Variants in STRN observed in about 807,000 individuals in gnomAD.
STRN encodes protein phosphatase 2 regulatory subunit B'''alpha.
Under a neutral mutation model 96.3 loss-of-function variants are expected in STRN, and 53 were observed. The observed-to-expected ratio is 0.55, with a 90% confidence interval of 0.44 to 0.69. STRN has a LOEUF of 0.69. Among genes scored for constraint, STRN ranks in the 30% least tolerant of loss-of-function variants. STRN has a pLI of 0.00. For missense variants in STRN, 987 were observed against 963.9 expected (o/e 1.02, Z -0.32); for synonymous variants, 428 against 355.9 (o/e 1.20, Z -2.28).
At chr2:36,954,971 C>T (rs1319995394) in intron 1 of STRN, among the ~76,000 whole-genome samples, 1 of 152,146 alleles carries the variant, frequency 6.6e-6, no homozygotes, top group African/African-American at 2.4e-5. Context: ...TTCTGAGAAA[C>T]ACAAATTGTT....
At chr2:36,901,083 G>C (rs1176665778) in intron 5 of STRN, among the ~76,000 whole-genome samples, 1 of 151,034 alleles carries the variant, frequency 6.6e-6, no homozygotes, top group Non-Finnish European at 1.5e-5. Flanking sequence ...TCTACTTACA[G>C]CTTTGTGTTT....
At chr2:36,922,999 G>C (rs1164178474) in intron 2 of STRN, among the ~76,000 whole-genome samples, 3 of 151,946 alleles carry the variant, frequency 2.0e-5, no homozygotes, top group Non-Finnish European at 4.4e-5. Context: ...AAAATTAGCT[G>C]GGCATGGTGG....
At chr2:36,920,407 G>C (rs1165294536) in intron 2 of STRN, among the ~76,000 whole-genome samples, 1 of 152,134 alleles carries the variant, frequency 6.6e-6, no homozygotes, top group Non-Finnish European at 1.5e-5. Context: ...GGGAGGCCGA[G>C]GTGGGCAGAT....
chr2:36,854,506 G>A (rs79704730), intron 15 of STRN, among the ~76,000 whole-genome samples: 5,836 of 152,248 alleles, frequency 0.038, 162 homozygotes, highest in East Asian at 0.13. Context: ...GACAGAGAGT[G>A]AGAACACCAC....
At chr2:36,948,432 A>T (rs779763397) in intron 1 of STRN, among the ~76,000 whole-genome samples, 2 of 152,124 alleles carry the variant, frequency 1.3e-5, no homozygotes, top group Non-Finnish European at 2.9e-5. Flanking sequence ...GCCAAAAGGT[A>T]TCATCTATTT....
chr2:36,931,413 G>A (rs943191000), intron 1 of STRN, among the ~76,000 whole-genome samples: 3 of 152,154 alleles, frequency 2.0e-5, no homozygotes, highest in Admixed American at 6.6e-5. Flanking sequence ...TTCCAATCTC[G>A]TTAGGGTACA....
At chr2:36,858,957 C>T (rs1041086692) in intron 13 of STRN, among the ~76,000 whole-genome samples, 1 of 152,054 alleles carries the variant, frequency 6.6e-6, no homozygotes, top group Non-Finnish European at 1.5e-5. Context: ...AGATGTTAGC[C>T]AGTTGAAGAA....
At chr2:36,881,563 A>C (rs969885919) in intron 9 of STRN, among the ~76,000 whole-genome samples, 1 of 152,216 alleles carries the variant, frequency 6.6e-6, no homozygotes, top group Non-Finnish European at 1.5e-5. Context: ...TATACAATCT[A>C]TCTCTTAAAT....
In STRN at chr2:36,957,742, G is replaced by GTTTTTTTTTTTTTTTT. The variant is rs1158709835; in HGVS notation, c.234+8487_234+8488insAAAAAAAAAAAAAAAA. Among the ~76,000 whole-genome samples the GTTTTTTTTTTTTTTTT allele has an allele frequency of 3.1e-4, 32 of 103,108 alleles. 5 individuals are homozygous for GTTTTTTTTTTTTTTTT. Among genetic ancestry groups the GTTTTTTTTTTTTTTTT allele is most frequent in the Non-Finnish European group, 3.7e-4 (19 of 51,656 alleles). 67.6% of individuals were successfully genotyped at this position (103,108 alleles called of 152,430 possible). A position where few individuals can be genotyped will look rare whatever the true frequency, so the allele number is the denominator to read the frequency against. ...GATTAGTCTCATAGTTCTTCTTTTTGTCTTTTTTTTTTTTTTTTTTTTTTT... is the reference window on the plus strand; with the variant it reads ...GATTAGTCTCATAGTTCTTCTTTTTGTTTTTTTTTTTTTTTTTCTTTTTTTTTTTTTTTTTTTTTTT... On this transcript the variant is annotated intron_variant, in intron 1 of 17. Coordinates refer to ENST00000263918, the MANE Select transcript of STRN (RefSeq NM_003162.4).
At chr2:36,862,927 CG>C (rs1273457809) in intron 12 of STRN, among the ~76,000 whole-genome samples, 3 of 151,876 alleles carry the variant, frequency 2.0e-5, no homozygotes, top group African/African-American at 7.3e-5. Context: ...AGTAGAGACG[CG>C]GTTTCACCGT....
chr2:36,941,373 T>C (rs1670840733), intron 1 of STRN, among the ~76,000 whole-genome samples: 1 of 152,128 alleles, frequency 6.6e-6, no homozygotes, highest in Admixed American at 6.6e-5. Context: ...CAGCAGCCCC[T>C]TTCTTCACAT....
At chr2:36,961,872 T>C (rs1299475624) in intron 1 of STRN, among the ~76,000 whole-genome samples, 1 of 152,202 alleles carries the variant, frequency 6.6e-6, no homozygotes, top group Non-Finnish European at 1.5e-5. Context: ...TTTTCCCTCC[T>C]TGATATTCCT....
chr2:36,924,836 C>A (rs971536126), intron 2 of STRN, among the ~76,000 whole-genome samples: 2 of 152,184 alleles, frequency 1.3e-5, no homozygotes, highest in African/African-American at 4.8e-5. Flanking sequence ...GTGGGCAGAT[C>A]ACCTGAGGTC....
At chr2:36,914,025 C>T (rs1489616369) in intron 3 of STRN, among the ~76,000 whole-genome samples, 1 of 152,086 alleles carries the variant, frequency 6.6e-6, no homozygotes, top group Non-Finnish European at 1.5e-5. Context: ...CACTCTGTCA[C>T]TCAGGCTAGA....
chr2:36,861,689 TAAACAG>T (rs1668484614), intron 12 of STRN, among the ~76,000 whole-genome samples: 1 of 151,108 alleles, frequency 6.6e-6, no homozygotes, highest in South Asian at 2.1e-4. Context: ...GCACATTCCT[TAAACAG>T]AAACAGAAAA....
chr2:36,855,318 G>A lies in STRN; in HGVS notation c.1872C>T (p.Ser624=). 1.9e-6 allele frequency: 3 copies of A among 1,613,610 alleles called. No homozygotes were observed. The highest frequency in any genetic ancestry group is 2.5e-6 in the Non-Finnish European group (3 of 1,179,746). ...ATGCTACCATATGGCTCGGGTCACTGCTCACTAGATCCACAGAGGCAGGGA... is the reference window on the plus strand; with the variant it reads ...ATGCTACCATATGGCTCGGGTCACTACTCACTAGATCCACAGAGGCAGGGA... ...LGIPASVDLV[S]SDPSHMVASF... The change falls in exon 15 of 18, where the codon AGC becomes AGT. Residue 624 remains serine, a synonymous_variant. Transcript: ENST00000263918.
At chr2:36,867,758 A>AAC in intron 12 of STRN, 56 bp downstream of exon 12, 7 of 1,187,710 alleles carry the variant, frequency 5.9e-6, no homozygotes, top group Non-Finnish European at 7.0e-6. Context: ...AAAATATCCT[A>AAC]ACCAGGCTAT....
intron 9 of STRN, among the ~76,000 whole-genome samples, chr2:36,878,236 T>C (rs943645920): frequency 6.6e-6 from 1 of 152,208 alleles, no homozygotes; most frequent in African/African-American, 2.4e-5. Flanking sequence ...ATCAACTAAT[T>C]AGAAAAGTAA....
intron 3 of STRN, among the ~76,000 whole-genome samples, chr2:36,914,399 C>A (rs1670038015): frequency 6.6e-6 from 1 of 152,122 alleles, no homozygotes; most frequent in African/African-American, 2.4e-5. Flanking sequence ...AAAATCACTC[C>A]TTTGAGTCAG....
Sources: allele counts gnomAD v4.1 joint callset (sites outside exome capture counted in the v4.1 genomes callset), GRCh38; gene constraint gnomAD v4.1.1; transcripts MANE v1.5; gene names NCBI Gene and HGNC (gene_info 2026-07-23, HGNC 2026-07-21).